PPP1R21: variants seen among roughly 807,000 people sequenced by gnomAD.
The protein encoded by PPP1R21 is KLRAQ motif containing 1.
A neutral mutation model predicts 112.8 loss-of-function variants in PPP1R21; 85 were observed. The ratio of observed to expected loss-of-function variants is 0.75; its 90% CI spans 0.63 to 0.90. The LOEUF is 0.90. Among genes scored for constraint, PPP1R21 ranks in the 40% least tolerant of loss-of-function variants. The pLI is 0.00. For synonymous variants in PPP1R21, 381 were observed against 322.3 expected (o/e 1.18, Z -1.95); for missense variants, 1,199 against 901.5 (o/e 1.33, Z -4.23).
intron 7 of PPP1R21, among the ~76,000 whole-genome samples, chr2:48,464,023 A>T (rs1260999743): frequency 6.6e-6 from 1 of 152,174 alleles, no homozygotes; most frequent in Non-Finnish European, 1.5e-5. Flanking sequence ...TGCTGAGTAG[A>T]GTTGAAGCCC....
At position 48,459,847 on chromosome 2, in the gene PPP1R21, G is replaced by A; in HGVS notation, c.469G>A (p.Val157Met). The stretch of plus-strand genomic sequence containing the variant: ...GACAGAAGCAGCCCAGCACCAAGCT[G>A]TGGTTGACGGTCTCACCCGGAAGTA... ...LETEAAQHQA[V>M]VDGLTRKYME... Residue 157 changes from valine (V) to methionine (M), a missense_variant, in exon 5 of 22, where the codon GTG (valine) becomes ATG (methionine). Physicochemically the swap from Val to Met is conservative, Grantham distance 21. Coordinates refer to ENST00000294952, the MANE Select transcript of PPP1R21 (RefSeq NM_001135629.3). 6.2e-7 allele frequency: 1 copy of A among 1,614,220 alleles called. No individual in the cohort carries two copies. Among genetic ancestry groups the A allele is most frequent in the East Asian group, 2.2e-5 (1 of 44,888 alleles).
chr2:48,453,185 C>T (rs1667558286), intron 2 of PPP1R21, among the ~76,000 whole-genome samples: 1 of 152,116 alleles, frequency 6.6e-6, no homozygotes, highest in African/African-American at 2.4e-5. Context: ...AACTCCTGAC[C>T]TCGAGTGATC....
chr2:48,487,355 G>A (rs79558982), intron 14 of PPP1R21, among the ~76,000 whole-genome samples: 14,499 of 152,104 alleles, frequency 0.095, 769 homozygotes, highest in Non-Finnish European at 0.11. Context: ...CAAGTACTTT[G>A]AAGTGACTTC....
rs562657116 is a variant in PPP1R21, at chr2:48,505,540, A to G, written c.1936-24A>G. On this transcript the variant is annotated intron_variant, in intron 17 of 21. Transcript: ENST00000294952. ...TTGAAATGTACACATTCTGTTCTAA[A>G]AGATTTTTCCCCTTATGTTCTAGAT... 147 of 1,533,664 alleles carry G rather than the reference A, an allele frequency of 9.6e-5. 2 individuals are homozygous for G. The South Asian group carries it at 1.7e-3, about 18-fold the overall frequency.
At chr2:48,451,951 C>CT (rs201177376) in intron 2 of PPP1R21, among the ~76,000 whole-genome samples, 1 of 152,322 alleles carries the variant, frequency 6.6e-6, no homozygotes, top group African/African-American at 2.4e-5. Context: ...AAATCTGTCT[C>CT]TGAGTGTCTC....
chr2:48,500,217 G>C (rs1407112128), intron 17 of PPP1R21, among the ~76,000 whole-genome samples: 1 of 152,038 alleles, frequency 6.6e-6, no homozygotes, highest in Non-Finnish European at 1.5e-5. Flanking sequence ...TATTATTTAG[G>C]AGAATATCTT....
At chr2:48,459,656 C>A in intron 4 of PPP1R21, 98 bp from the exon 5 acceptor site, 1 of 1,331,948 alleles carries the variant, frequency 7.5e-7, no homozygotes. Flanking sequence ...GCATATGGAA[C>A]CATGTGGAAG....
chr2:48,471,754 T>C lies in PPP1R21; in HGVS notation c.1088+387T>C, dbSNP rs184423575. Among the ~76,000 whole-genome samples the C allele has an allele frequency of 6.3e-4, 96 of 152,308 alleles. 1 individual carries two copies. In the South Asian group the frequency reaches 0.016, roughly 26 times the overall value. On this transcript the variant is annotated intron_variant, in intron 11 of 21. Transcript: ENST00000294952. ...GTTATAAACTAAAAACCTTATCTAC[T>C]CTAGCCCTTACAGAATACGTCATTT... is the stretch of plus-strand genomic sequence containing the variant.
intron 8 of PPP1R21, 63 bp downstream of exon 8, chr2:48,465,052 G>T: frequency 7.5e-7 from 1 of 1,335,712 alleles, no homozygotes; most frequent in Non-Finnish European, 1.0e-6. Context: ...CCAGAAACAA[G>T]AATTAGTTGT....
At position 48,514,932 on chromosome 2, in the gene PPP1R21, C is replaced by G; in HGVS notation, c.*188C>G. The stretch of plus-strand genomic sequence containing the variant: ...ATATTTGTAACCAGTGAGGCAAATA[C>G]AGAAGTTGATGTCGGCAGTAAATGG... On this transcript the variant is annotated 3_prime_UTR_variant, in exon 22 of 22. Coordinates refer to ENST00000294952, the MANE Select transcript of PPP1R21 (RefSeq NM_001135629.3). The G allele has an allele frequency of 1.8e-6, 1 of 566,370 alleles. No homozygotes were observed. Among genetic ancestry groups the G allele is most frequent in the Non-Finnish European group, 3.1e-6 (1 of 322,628 alleles). 35.1% of individuals were successfully genotyped at this position (566,370 alleles called of 1,614,324 possible).
At chr2:48,460,597 A>G (rs1024253832) in intron 6 of PPP1R21, among the ~76,000 whole-genome samples, 1 of 152,246 alleles carries the variant, frequency 6.6e-6, no homozygotes, top group African/African-American at 2.4e-5. Context: ...GGTGTACTCC[A>G]ACATTTATTT....
chr2:48,496,058 TC>T (rs1323469479), intron 16 of PPP1R21, among the ~76,000 whole-genome samples: 2 of 152,322 alleles, frequency 1.3e-5, no homozygotes, highest in Non-Finnish European at 2.9e-5. Flanking sequence ...GATTTAAATG[TC>T]TGAAATACCA....
chr2:48,495,227 G>A (rs972754432), intron 15 of PPP1R21, among the ~76,000 whole-genome samples: 1 of 150,888 alleles, frequency 6.6e-6, no homozygotes, highest in Non-Finnish European at 1.5e-5. Context: ...TTTTTGAGAC[G>A]GAGTCTCGCT....
intron 1 of PPP1R21, among the ~76,000 whole-genome samples, chr2:48,443,861 T>G (rs1667139443): frequency 6.6e-6 from 1 of 152,210 alleles, no homozygotes; most frequent in Admixed American, 6.5e-5. Flanking sequence ...TCTGCCTTAT[T>G]TAGGATACAA....
intron 3 of PPP1R21, among the ~76,000 whole-genome samples, chr2:48,456,491 A>G (rs532180133): frequency 6.6e-6 from 1 of 152,282 alleles, no homozygotes; most frequent in South Asian, 2.1e-4. Flanking sequence ...TTTCGGCACA[A>G]TTTTTAACCT....
At chr2:48,459,010 T>G (rs1667851860) in intron 4 of PPP1R21, among the ~76,000 whole-genome samples, 1 of 146,646 alleles carries the variant, frequency 6.8e-6, no homozygotes, top group African/African-American at 2.5e-5. Context: ...GAGAATGGCG[T>G]GAACCCGGGA....
At chr2:48,463,352 A>G (rs984791236) in intron 7 of PPP1R21, among the ~76,000 whole-genome samples, 2 of 152,198 alleles carry the variant, frequency 1.3e-5, no homozygotes, top group South Asian at 2.1e-4. Context: ...TGCTGTGGAG[A>G]GGTCAGAGGG....
At chr2:48,504,259 G>A (rs1670268732) in intron 17 of PPP1R21, among the ~76,000 whole-genome samples, 1 of 152,116 alleles carries the variant, frequency 6.6e-6, no homozygotes, top group South Asian at 2.1e-4. Flanking sequence ...TTTACAGCCA[G>A]GTGGGCATAA....
chr2:48,485,181 A>G (rs1016509438), intron 13 of PPP1R21, among the ~76,000 whole-genome samples: 1 of 152,160 alleles, frequency 6.6e-6, no homozygotes, highest in Non-Finnish European at 1.5e-5. Context: ...ACTACTGGGT[A>G]TTAACAATCC....
Sources: gnomAD v4.1 joint callset for allele counts (sites outside exome capture counted in the v4.1 genomes callset) on GRCh38, gnomAD v4.1.1 for gene constraint, MANE v1.5 for transcripts, NCBI Gene and HGNC (gene_info 2026-07-23, HGNC 2026-07-21) for gene names.